The following STRN3 variants were observed in gnomAD, a reference collection of about 807,000 sequenced individuals.
STRN3 encodes the protein striatin-3.
STRN3 carries 29 observed loss-of-function variants against 95.6 expected under a neutral mutation model. That is an observed-to-expected ratio of 0.30 (90% CI 0.23 to 0.41). The LOEUF (loss-of-function observed/expected upper bound fraction) is 0.41, where lower values mean the gene tolerates loss of function less well. STRN3 is among the 10% of genes least tolerant of loss of function. STRN3 has a pLI of 1.00. For missense variants in STRN3, 890 were observed against 972.1 expected (o/e 0.92, Z 1.12); for synonymous variants, 331 against 357.6 (o/e 0.93, Z 0.84).
At chr14:30,979,838 A>T (rs1318344916) in intron 1 of STRN3, among the ~76,000 whole-genome samples, 1 of 151,732 alleles carries the variant, frequency 6.6e-6, no homozygotes, top group Non-Finnish European at 1.5e-5. Context: ...GACCTCAGGT[A>T]ATCTGCCCGC....
At chr14:30,965,118 G>A (rs764961704) in intron 1 of STRN3, among the ~76,000 whole-genome samples, 4 of 151,974 alleles carry the variant, frequency 2.6e-5, no homozygotes, top group Non-Finnish European at 5.9e-5. Flanking sequence ...TGATTTGCTT[G>A]GTGACCAAAT....
At chr14:30,917,731 G>A (rs1357994086) in intron 9 of STRN3, among the ~76,000 whole-genome samples, 1 of 151,862 alleles carries the variant, frequency 6.6e-6, no homozygotes, top group Non-Finnish European at 1.5e-5. Context: ...GGTGAGTGAA[G>A]TAAATGGTAA....
At chr14:30,989,159 C>G (rs746822780) in intron 1 of STRN3, among the ~76,000 whole-genome samples, 2 of 152,166 alleles carry the variant, frequency 1.3e-5, no homozygotes, top group Admixed American at 1.3e-4. Flanking sequence ...AGAGAGGGGT[C>G]AGTTACCTTA....
chr14:31,021,383 T>G (rs179732), intron 1 of STRN3, among the ~76,000 whole-genome samples: 138,610 of 152,136 alleles, frequency 0.91, 63,493 homozygotes, highest in Non-Finnish European at 0.97. Context: ...TCAGAAAAAA[T>G]AAAAAAAAGA....
intron 5 of STRN3, among the ~76,000 whole-genome samples, chr14:30,940,319 A>G (rs1594467658): frequency 6.6e-6 from 1 of 152,092 alleles, no homozygotes. Context: ...AGTCTCTCAG[A>G]ATTCTGAGAA....
chr14:31,013,889 T>TATTATTATTATTTGAGACAGTGTC (rs1555327144), intron 1 of STRN3, among the ~76,000 whole-genome samples: 2 of 141,972 alleles, frequency 1.4e-5, no homozygotes, highest in Non-Finnish European at 3.0e-5. Flanking sequence ...TTATTATTAT[T>TATTATTATTATTTGAGACAGTGTC]ATTATTATTA....
intron 1 of STRN3, among the ~76,000 whole-genome samples, chr14:31,003,357 AAAAAC>A (rs1008405411): frequency 1.3e-4 from 20 of 151,584 alleles, no homozygotes; most frequent in African/African-American, 4.9e-4. Flanking sequence ...TGGAAAAAAA[AAAAAC>A]AAACAACTCA....
At chr14:30,899,889 A>T (rs1373990469) in intron 16 of STRN3, among the ~76,000 whole-genome samples, 2 of 152,224 alleles carry the variant, frequency 1.3e-5, no homozygotes, top group Non-Finnish European at 2.9e-5. Context: ...ATAATTATTG[A>T]ACCTATTCAT....
intron 1 of STRN3, among the ~76,000 whole-genome samples, chr14:30,960,794 G>A (rs929888129): frequency 5.5e-5 from 8 of 146,730 alleles, no homozygotes; most frequent in Non-Finnish European, 1.2e-4. Context: ...GCGTGAACCC[G>A]AGAGGCGGAG....
At position 30,987,283 on chromosome 14, in the gene STRN3, G is replaced by A. The variant is rs185400130; in HGVS notation, c.283-31041C>T. ...AGCACTTTGGGAGGCCGAGGCAGGC[G>A]GATCACAGGGTCAGGAGATCGAGAC... is the stretch of plus-strand genomic sequence containing the variant. On this transcript the variant is annotated intron_variant, in intron 1 of 17. Coordinates refer to ENST00000357479, the MANE Select transcript of STRN3 (RefSeq NM_001083893.2). Among the ~76,000 whole-genome samples the A allele has an allele frequency of 9.2e-5, 14 of 152,244 alleles. No individual in the cohort carries two copies. In the East Asian group the frequency reaches 1.4e-3, roughly 15 times the overall value.
chr14:30,989,980 A>C (rs1005887806), intron 1 of STRN3, among the ~76,000 whole-genome samples: 3 of 152,044 alleles, frequency 2.0e-5, no homozygotes, highest in Non-Finnish European at 4.4e-5. Context: ...CTTTAAGAGC[A>C]TGTGTGTCAT....
intron 1 of STRN3, among the ~76,000 whole-genome samples, chr14:30,969,354 G>A (rs1057347837): frequency 2.6e-5 from 4 of 151,934 alleles, no homozygotes; most frequent in Admixed American, 6.6e-5. Flanking sequence ...GGAGAATGGC[G>A]TGAACCCGGG....
chr14:30,978,371 GAAGAAGAAATATC>G (rs1413699526), intron 1 of STRN3, among the ~76,000 whole-genome samples: 1 of 151,974 alleles, frequency 6.6e-6, no homozygotes, highest in Non-Finnish European at 1.5e-5. Context: ...TAAACAAGCT[GAAGAAGAAATATC>G]AATAGATACA....
At chr14:30,994,603 A>G (rs1882113321) in intron 1 of STRN3, among the ~76,000 whole-genome samples, 1 of 152,196 alleles carries the variant, frequency 6.6e-6, no homozygotes, top group Non-Finnish European at 1.5e-5. Flanking sequence ...AAAACCAAAT[A>G]AACTAAAAAC....
chr14:31,011,386 A>C (rs1237107600), intron 1 of STRN3, among the ~76,000 whole-genome samples: 1 of 152,222 alleles, frequency 6.6e-6, no homozygotes, highest in Non-Finnish European at 1.5e-5. Flanking sequence ...ACATACCTGT[A>C]ATTCCAGCAG....
chr14:30,912,861 T>C (rs1243950919), intron 10 of STRN3, among the ~76,000 whole-genome samples: 1 of 151,956 alleles, frequency 6.6e-6, no homozygotes, highest in Admixed American at 6.6e-5. Flanking sequence ...ATGCTAATGT[T>C]AAGTATAAAA....
chr14:31,004,162 G>A (rs1882608056), intron 1 of STRN3, among the ~76,000 whole-genome samples: 1 of 152,096 alleles, frequency 6.6e-6, no homozygotes, highest in African/African-American at 2.4e-5. Context: ...GCATGCGCCT[G>A]TAGTCCCAGC....
chr14:30,955,516 G>A (rs1879856156), intron 3 of STRN3, 104 bp downstream of exon 3: 2 of 910,416 alleles, frequency 2.2e-6, no homozygotes, highest in Non-Finnish European at 3.3e-6. Flanking sequence ...GTTTACAATA[G>A]TCATTCTCTA....
At chr14:30,925,318 A>G (rs1897000362) in intron 8 of STRN3, among the ~76,000 whole-genome samples, 1 of 152,172 alleles carries the variant, frequency 6.6e-6, no homozygotes, top group African/African-American at 2.4e-5. Flanking sequence ...CTTTTAACTT[A>G]GCATTTAAAA....
Sources: allele counts gnomAD v4.1 joint callset (sites outside exome capture counted in the v4.1 genomes callset), GRCh38; gene constraint gnomAD v4.1.1; transcripts MANE v1.5; gene names NCBI Gene and HGNC (gene_info 2026-07-23, HGNC 2026-07-21).